Variants in UBR4 observed in about 807,000 individuals in gnomAD.
UBR4 encodes the protein E3 ubiquitin-protein ligase UBR4.
In UBR4, 124 loss-of-function variants were observed where a neutral mutation model predicts 575.6. The ratio of observed to expected loss-of-function variants is 0.22; its 90% confidence interval spans 0.19 to 0.25. The LOEUF (loss-of-function observed/expected upper bound fraction) is 0.25. Ranked by LOEUF, UBR4 falls within the 10% of genes least tolerant of loss-of-function variation. UBR4 has a pLI of 1.00. For synonymous variants in UBR4, 2,455 were observed against 2,473.7 expected, an observed-to-expected ratio of 0.99 and a Z score of 0.22; for missense variants, 4,818 against 6,478.8, an observed-to-expected ratio of 0.74 and a Z score of 8.80.
chr1:19,190,312 A>AAAAAATATAT, intron 11 of UBR4, among the ~76,000 whole-genome samples: 56 of 79,812 alleles, frequency 7.0e-4, no homozygotes, highest in Non-Finnish European at 1.1e-3. Context: ...AAAAAAAAAA[A>AAAAAATATAT]ATATATATAT....
intron 71 of UBR4, 143 bp downstream of exon 71, chr1:19,118,729 G>A: frequency 2.7e-6 from 2 of 746,814 alleles, no homozygotes; most frequent in Non-Finnish European, 4.5e-6. Context: ...TGGCCTACAT[G>A]GAGGGGATTG....
intron 102 of UBR4, chr1:19,081,996 TC>T (rs2076564553): frequency 1.7e-6 from 1 of 582,248 alleles, no homozygotes; most frequent in African/African-American, 1.9e-5. Context: ...GAATCAAGAT[TC>T]CCTGGTGGGT....
In UBR4 at chr1:19,155,429, A is replaced by G. The variant is rs1250375399; in HGVS notation, c.6300+12T>C. On this transcript the variant is annotated intron_variant, in intron 43 of 105. Transcript: ENST00000375254. ...ATCCGGAATAGAAGGAAATAGCAACATGTGCTCTAACCTTCAGGTCCTCAT... is the reference window on the plus strand; with the variant it reads ...ATCCGGAATAGAAGGAAATAGCAACGTGTGCTCTAACCTTCAGGTCCTCAT... The G allele has an allele frequency of 1.2e-6, 2 of 1,609,066 alleles. No individual in the cohort carries two copies. Among genetic ancestry groups the G allele is most frequent in the East Asian group, 4.5e-5 (2 of 44,830 alleles).
At chr1:19,099,706 T>C (rs572008156) in intron 89 of UBR4, 29 bp from the exon 90 acceptor site, 4 of 1,586,490 alleles carry the variant, frequency 2.5e-6, no homozygotes, top group African/African-American at 1.4e-5. Context: ...GAAGCTGTTG[T>C]TCCAAATAAT....
intron 65 of UBR4, 24 bp from the exon 66 acceptor site, chr1:19,123,084 G>A (rs1034015643): frequency 3.7e-6 from 6 of 1,610,718 alleles, no homozygotes; most frequent in Non-Finnish European, 5.1e-6. Context: ...ACACCACAAA[G>A]AGTAAATGAC....
At chr1:19,123,563 AAAGG>A (rs1344702784) in intron 65 of UBR4, among the ~76,000 whole-genome samples, 1 of 152,178 alleles carries the variant, frequency 6.6e-6, no homozygotes, top group Admixed American at 6.5e-5. Context: ...CAGGAGAAAG[AAAGG>A]GAGAGAAAGA....
In UBR4 at chr1:19,113,706, A is replaced by C; in HGVS notation, c.11450T>G (p.Ile3817Ser). Residue 3817 changes from isoleucine (I) to serine (S), a missense_variant, in exon 77 of 106, where the codon ATC (isoleucine) becomes AGC (serine). Ile to Ser is a moderately radical substitution (Grantham distance 142). Around this residue, in one of 29 missense-constraint regions of UBR4, gnomAD observed 333 missense variants for 459.2 expected, o/e 0.73. Coordinates refer to ENST00000375254, the MANE Select transcript of UBR4 (RefSeq NM_020765.3). ...CTGCTCCCCGCTCTCTACCTGGATGATTTTGGAGAGTTCATCAAAAGAGTT... is the reference window on the plus strand; with the variant it reads ...CTGCTCCCCGCTCTCTACCTGGATGCTTTTGGAGAGTTCATCAAAAGAGTT... ...CKNSFDELSK[I>S]IQKVFASRKE... 1 of 1,614,194 alleles carries C rather than the reference A, an allele frequency of 6.2e-7. No individual in the cohort carries two copies. Among genetic ancestry groups the C allele is most frequent in the Admixed American group, 1.7e-5 (1 of 60,028 alleles).
At position 19,170,795 on chromosome 1, in the gene UBR4, T is replaced by C. The variant is rs144427527; in HGVS notation, c.3610A>G (p.Ile1204Val). Residue 1204 changes from isoleucine to valine, a missense_variant, in exon 26 of 106, where the codon ATT becomes GTT. Ile to Val is a conservative substitution (Grantham distance 29). Coordinates refer to ENST00000375254, the MANE Select transcript of UBR4 (RefSeq NM_020765.3). ...TTTGCCTTGCACCTGCTAGAGCCAA[T>C]AGCCAAAACAGCAGCAAAGCCTTGC... ...KLQGFAAVLA[I>V]GSSRCKANTL... The C allele has an allele frequency of 1.9e-6, 3 of 1,614,064 alleles. No homozygotes were observed. The highest frequency in any genetic ancestry group is 1.3e-5 in the African/African-American group (1 of 74,930).
In UBR4 at chr1:19,089,124, T is replaced by C. The variant is rs1396930347; in HGVS notation, c.14212-147A>G. 1.3e-6 allele frequency: 1 copy of C among 790,054 alleles called. No individual in the cohort carries two copies. Among genetic ancestry groups the C allele is most frequent in the East Asian group, 2.7e-5 (1 of 37,158 alleles). 48.9% of individuals were successfully genotyped at this position (790,054 alleles called of 1,614,324 possible). A position where few individuals can be genotyped will look rare whatever the true frequency, so the allele number is the denominator to read the frequency against. On this transcript the variant is annotated intron_variant, in intron 97 of 105. Coordinates refer to ENST00000375254, the MANE Select transcript of UBR4 (RefSeq NM_020765.3). The surrounding 1 kb of genome is among the most constrained non-coding windows in gnomAD (Gnocchi z 4.3). Reference sequence around the variant, plus strand: ...AATCAGGTCCTTTGATTCCACACTTTGACAGACACAGACAAATGGAAGAGG... The same window carrying C: ...AATCAGGTCCTTTGATTCCACACTTCGACAGACACAGACAAATGGAAGAGG...
intron 55 of UBR4, among the ~76,000 whole-genome samples, chr1:19,143,227 GA>G (rs2084224822): frequency 1.0e-5 from 1 of 99,094 alleles, no homozygotes; most frequent in African/African-American, 3.7e-5. Context: ...AGGAAGGAAG[GA>G]AGGAAGGCAG....
chr1:19,172,463 G>A (rs1313413036), intron 25 of UBR4, among the ~76,000 whole-genome samples: 2 of 152,206 alleles, frequency 1.3e-5, no homozygotes, highest in African/African-American at 2.4e-5. Flanking sequence ...GTTGCAGTGA[G>A]CCAAGATCGC....
In UBR4 at chr1:19,185,203, G is replaced by A; in HGVS notation, c.1834C>T (p.Pro612Ser). 2.5e-6 allele frequency: 4 copies of A among 1,613,842 alleles called. No individual in the cohort carries two copies. The highest frequency in any genetic ancestry group is 3.4e-6 in the Non-Finnish European group (4 of 1,179,924). ...GAGCTTTCCAGTGGAGGAGGTGGGG[G>A]AGGAGGCGGAGGTGCTGCTTTCTCT... ...SKEKAAPPPP[P>S]PPPPLESSPR... is the part of the protein sequence containing the mutation. Residue 612 changes from proline to serine, a missense_variant, in exon 15 of 106, where the codon CCC becomes TCC. Around this residue, in one of 29 missense-constraint regions of UBR4, gnomAD observed 1,172 missense variants for 1,259.7 expected, o/e 0.93. Transcript: ENST00000375254.
chr1:19,184,967 A>G (rs941537812), intron 15 of UBR4, 132 bp downstream of exon 15: 39 of 1,087,528 alleles, frequency 3.6e-5, no homozygotes, highest in Non-Finnish European at 5.3e-5. Context: ...CAAGACATAT[A>G]AGTCCTAAGC....
Position 19,151,680 on chromosome 1 carries a change from T to C in UBR4, c.7176A>G (p.Glu2392=). The change falls in exon 48 of 106, where the codon GAA becomes GAG. Residue 2392 remains glutamate, a synonymous_variant. Coordinates refer to ENST00000375254, the MANE Select transcript of UBR4 (RefSeq NM_020765.3). ...SRWFDFPFTR[E]EALQADKKLN... is the part of the protein sequence containing the mutation. ...GCTTCTTATCAGCCTGCAGGGCTTC[T>C]TCTCTGGTGAAGGGGAAGTCAAACC... The C allele has an allele frequency of 1.9e-6, 3 of 1,614,198 alleles. No homozygotes were observed. The highest frequency in any genetic ancestry group is 2.2e-5 in the South Asian group (2 of 91,080).
intron 53 of UBR4, among the ~76,000 whole-genome samples, chr1:19,145,313 G>T (rs2084688363): frequency 6.6e-6 from 1 of 152,156 alleles, no homozygotes; most frequent in South Asian, 2.1e-4. Flanking sequence ...CTCCAAACAT[G>T]AATGAGCACC....
Position 19,106,562 on chromosome 1 carries a change from C to T in UBR4, c.12393+7G>A, listed in dbSNP as rs2079225831. 2.6e-6 allele frequency: 4 copies of T among 1,553,640 alleles called. No homozygotes were observed. Among genetic ancestry groups the T allele is most frequent in the Non-Finnish European group, 3.5e-6 (4 of 1,151,646 alleles). ...AGGGGGTGAAGAGTCCAGAAGTGGC[C>T]ACTCACTTGTCGCAGCCAGTTGTTA... On this transcript the variant is annotated splice_region_variant and intron_variant, in intron 83 of 105. Transcript: ENST00000375254.
chr1:19,101,503 A>C lies in UBR4; in HGVS notation c.13023+17T>G. The C allele has an allele frequency of 6.3e-7, 1 of 1,595,198 alleles. No individual in the cohort carries two copies. Among genetic ancestry groups the C allele is most frequent in the Non-Finnish European group, 8.6e-7 (1 of 1,165,772 alleles). On this transcript the variant is annotated intron_variant, in intron 88 of 105. Coordinates refer to ENST00000375254, the MANE Select transcript of UBR4 (RefSeq NM_020765.3). ...GTGCTGACACTCGAGAGCCATGGGA[A>C]GCACCGCACTGCTTACAGGATAAAT...
At chr1:19,132,535 T>TTAAAATACATA (rs2082609496) in intron 60 of UBR4, among the ~76,000 whole-genome samples, 1 of 146,044 alleles carries the variant, frequency 6.8e-6, no homozygotes, top group Non-Finnish European at 1.5e-5. Flanking sequence ...TGATTTAGGT[T>TTAAAATACATA]TGTATCTCAT....
chr1:19,129,660 T>A (rs936134963), intron 60 of UBR4, among the ~76,000 whole-genome samples: 4 of 152,212 alleles, frequency 2.6e-5, no homozygotes, highest in African/African-American at 4.8e-5. Context: ...TTTTCCCGTA[T>A]AATCAACTGG....
Sources: allele counts gnomAD v4.1 joint callset (sites outside exome capture counted in the v4.1 genomes callset), GRCh38; gene constraint gnomAD v4.1.1; regional missense constraint gnomAD v4.1.1; non-coding constraint Gnocchi (gnomAD v3.1); transcripts MANE v1.5; gene names NCBI Gene and HGNC (gene_info 2026-07-23, HGNC 2026-07-21).